The following ZMYM4 variants were observed in gnomAD, a reference collection of about 807,000 sequenced individuals.
The protein encoded by ZMYM4 is zinc finger MYM-type containing 4, also known as zinc finger MYM-type protein 4.
ZMYM4 carries 31 observed loss-of-function variants against 183.2 expected under a neutral mutation model. The observed-to-expected ratio is 0.17, with a 90% confidence interval of 0.13 to 0.23. ZMYM4 has a LOEUF of 0.23. Among genes scored for constraint, ZMYM4 ranks in the 10% least tolerant of loss-of-function variants. ZMYM4 has a pLI of 1.00. For synonymous variants in ZMYM4, 592 were observed against 631.2 expected (o/e 0.94, Z 0.93); for missense variants, 1,273 against 1,840.3 (o/e 0.69, Z 5.64).
At chr1:35,356,465 A>C (rs146963306) in intron 2 of ZMYM4, among the ~76,000 whole-genome samples, 2,091 of 152,276 alleles carry the variant, frequency 0.014, 53 homozygotes, top group African/African-American at 0.047. Flanking sequence ...CTGTTTTACT[A>C]TCTGTTGTCT....
At position 35,398,330 on chromosome 1, in the gene ZMYM4, G is replaced by A. The variant is rs1021294959; in HGVS notation, c.3200-83G>A. The A allele has an allele frequency of 2.6e-6, 3 of 1,150,458 alleles. No homozygotes were observed. The African/African-American group carries it at 4.7e-5, about 18-fold the overall frequency. 71.3% of individuals were successfully genotyped at this position (1,150,458 alleles called of 1,614,324 possible). A position where few individuals can be genotyped will look rare whatever the true frequency, so the allele number is the denominator to read the frequency against. On this transcript the variant is annotated intron_variant, in intron 20 of 29. Coordinates refer to ENST00000314607, the MANE Select transcript of ZMYM4 (RefSeq NM_005095.3). ...TTACTTAGAACTTTGTAGTATGATT[G>A]ATGTATATAGTGCAGTCATTTCATT...
rs140394483 is a variant in ZMYM4 at position 35,400,351 on chromosome 1, G to A, written c.3528+775G>A. 8.3e-3 allele frequency: 1,250 copies of A among 150,334 alleles called. 7 individuals are homozygous for A. The highest frequency in any genetic ancestry group is 0.014 in the Non-Finnish European group (931 of 67,566). The allele number at this position is 150,334 out of a possible 1,614,324, so 9.3% of individuals were successfully genotyped here. A position where few individuals can be genotyped will look rare whatever the true frequency, so the allele number is the denominator to read the frequency against. On this transcript the variant is annotated intron_variant, in intron 23 of 29. Coordinates refer to ENST00000314607, the MANE Select transcript of ZMYM4 (RefSeq NM_005095.3). Reference sequence around the variant, plus strand: ...CAAGTAGCTGGGACTACAGGTGCCCGCCACCACGCCTGGCTAATTTTTATT... The same window carrying A: ...CAAGTAGCTGGGACTACAGGTGCCCACCACCACGCCTGGCTAATTTTTATT...
At chr1:35,289,713 T>G (rs1371966276) in intron 1 of ZMYM4, among the ~76,000 whole-genome samples, 1 of 152,168 alleles carries the variant, frequency 6.6e-6, no homozygotes, top group African/African-American at 2.4e-5. Context: ...CACTATCAAC[T>G]AAGATGTCAA....
intron 2 of ZMYM4, among the ~76,000 whole-genome samples, chr1:35,349,042 C>T (rs188095265): frequency 7.2e-4 from 110 of 152,264 alleles, no homozygotes; most frequent in Non-Finnish European, 2.5e-4. Context: ...GTCACCCGGG[C>T]TGGAGTTCAG....
In ZMYM4 at chr1:35,395,966, A is replaced by G. The variant is rs1644801881; in HGVS notation, c.2912-586A>G. Reference sequence around the variant, plus strand: ...TTCCAAGTTCTGTTTCATCCTTTTAATACTTAGAACATCTGCTATATATAT... The same window carrying G: ...TTCCAAGTTCTGTTTCATCCTTTTAGTACTTAGAACATCTGCTATATATAT... On this transcript the variant is annotated intron_variant, in intron 18 of 29. Coordinates refer to ENST00000314607, the MANE Select transcript of ZMYM4 (RefSeq NM_005095.3). 2.6e-5 allele frequency among the ~76,000 whole-genome samples: 4 copies of G among 152,246 alleles called. No individual in the cohort carries two copies. The South Asian group carries it at 8.3e-4, about 32-fold the overall frequency.
intron 1 of ZMYM4, among the ~76,000 whole-genome samples, chr1:35,296,242 C>G (rs1392162380): frequency 1.3e-5 from 2 of 152,146 alleles, no homozygotes; most frequent in African/African-American, 4.8e-5. Context: ...GAGGATGAGT[C>G]CACTTCAGGA....
rs1237156287 is a variant in ZMYM4, at chr1:35,396,535, G to A, written c.2912-17G>A. On this transcript the variant is annotated splice_polypyrimidine_tract_variant and intron_variant, in intron 18 of 29. Transcript: ENST00000314607. ...AACCCTCTTTGCTTTTTGTGATTTT[G>A]TTGTTGTTACTGTTAGAAGACACTC... 1.9e-6 allele frequency: 3 copies of A among 1,607,588 alleles called. No homozygotes were observed. The highest frequency in any genetic ancestry group is 3.4e-5 in the Admixed American group (2 of 58,356).
intron 23 of ZMYM4, chr1:35,400,303 G>A (rs1316207010): frequency 1.8e-4 from 25 of 137,226 alleles, no homozygotes; most frequent in African/African-American, 6.4e-4. Flanking sequence ...CTGGGTTCAG[G>A]CCATTCTCCT....
chr1:35,285,405 A>C (rs1640428939), intron 1 of ZMYM4, among the ~76,000 whole-genome samples: 2 of 152,074 alleles, frequency 1.3e-5, no homozygotes, highest in South Asian at 4.1e-4. Flanking sequence ...TCCTTGGTTA[A>C]ATTTTTCTCA....
chr1:35,380,047 A>G (rs1644419037), intron 7 of ZMYM4, among the ~76,000 whole-genome samples: 1 of 152,256 alleles, frequency 6.6e-6, no homozygotes, highest in African/African-American at 2.4e-5. Context: ...AATGCTGTTA[A>G]GAAATGGCAC....
intron 2 of ZMYM4, among the ~76,000 whole-genome samples, chr1:35,337,800 G>A (rs1643037587): frequency 6.6e-6 from 1 of 152,108 alleles, no homozygotes; most frequent in African/African-American, 2.4e-5. Flanking sequence ...TCAGCTGGGC[G>A]TGGTGGCAGG....
chr1:35,404,139 G>A (rs146329387), intron 23 of ZMYM4, among the ~76,000 whole-genome samples: 9 of 152,176 alleles, frequency 5.9e-5, no homozygotes, highest in Non-Finnish European at 1.0e-4. Context: ...ATCATGGCTC[G>A]CTGCAACCTC....
At chr1:35,284,751 A>T (rs944856938) in intron 1 of ZMYM4, among the ~76,000 whole-genome samples, 2 of 152,208 alleles carry the variant, frequency 1.3e-5, no homozygotes, top group Admixed American at 6.5e-5. Flanking sequence ...GTAGGTAGCC[A>T]CTACCTTGCT....
intron 5 of ZMYM4, chr1:35,365,901 T>C (rs1558090270): frequency 6.6e-6 from 1 of 152,184 alleles, no homozygotes; most frequent in Non-Finnish European, 1.5e-5. Context: ...TTGAAGGCAT[T>C]GTGGACCATA....
intron 5 of ZMYM4, among the ~76,000 whole-genome samples, chr1:35,362,909 C>T (rs950369706): frequency 1.3e-5 from 2 of 152,138 alleles, no homozygotes; most frequent in African/African-American, 2.4e-5. Context: ...TGATGGCTCA[C>T]GCCTGTCATC....
intron 1 of ZMYM4, among the ~76,000 whole-genome samples, chr1:35,319,993 G>C (rs555176839): frequency 6.6e-6 from 1 of 152,320 alleles, no homozygotes; most frequent in African/African-American, 2.4e-5. Flanking sequence ...ACGCAGTGTT[G>C]TAGGTGCTAG....
intron 1 of ZMYM4, among the ~76,000 whole-genome samples, chr1:35,302,720 C>T (rs555907499): frequency 1.5e-4 from 23 of 151,984 alleles, no homozygotes; most frequent in African/African-American, 5.5e-4. Context: ...TGGGATCTTA[C>T]TATGTTGCTA....
chr1:35,405,485 T>A lies in ZMYM4; in HGVS notation c.3796+17T>A. ...GCTGTAGAGGTAAAATTTGTTTCTC[T>A]CCATTTGGTATGAATTATTTATATT... On this transcript the variant is annotated intron_variant, in intron 25 of 29. Coordinates refer to ENST00000314607, the MANE Select transcript of ZMYM4 (RefSeq NM_005095.3). The A allele has an allele frequency of 6.4e-7, 1 of 1,558,168 alleles. No individual in the cohort carries two copies. Among genetic ancestry groups the A allele is most frequent in the Non-Finnish European group, 8.7e-7 (1 of 1,147,024 alleles).
chr1:35,368,715 A>G (rs890273683), intron 5 of ZMYM4, among the ~76,000 whole-genome samples: 1 of 152,182 alleles, frequency 6.6e-6, no homozygotes, highest in East Asian at 1.9e-4. Flanking sequence ...AATCCTAAAT[A>G]TGGGAGTATG....
Sources: gnomAD v4.1 joint callset for allele counts (sites outside exome capture counted in the v4.1 genomes callset) on GRCh38, gnomAD v4.1.1 for gene constraint, MANE v1.5 for transcripts, NCBI Gene and HGNC (gene_info 2026-07-23, HGNC 2026-07-21) for gene names.